Variants in GALNT17 observed in about 807,000 individuals in gnomAD.
GALNT17 encodes UDP-GalNAc:polypeptide N-acetylgalactosaminyltransferase-like 3.
In GALNT17, 29 loss-of-function variants were observed where a neutral mutation model predicts 63.7. The ratio of observed to expected loss-of-function variants is 0.46; its 90% confidence interval spans 0.34 to 0.62. GALNT17 has a LOEUF of 0.62. GALNT17 is among the 20% of genes least tolerant of loss of function. GALNT17 has a pLI of 0.01. For synonymous variants in GALNT17, 305 were observed against 318.3 expected, an observed-to-expected ratio of 0.96 and a Z score of 0.45; for missense variants, 603 against 799.6, an observed-to-expected ratio of 0.75 and a Z score of 2.97.
chr7:71,352,462 G>T (rs1450840813), intron 2 of GALNT17, among the ~76,000 whole-genome samples: 1 of 152,200 alleles, frequency 6.6e-6, no homozygotes, highest in South Asian at 2.1e-4. Context: ...TGGGTGCACG[G>T]TAGTGCCATT....
intron 5 of GALNT17, among the ~76,000 whole-genome samples, chr7:71,461,055 A>C (rs1221797669): frequency 6.6e-6 from 1 of 152,192 alleles, no homozygotes; most frequent in Non-Finnish European, 1.5e-5. Context: ...CTTATTCAAG[A>C]TGGAGCCGCT....
At chr7:71,292,283 A>G (rs1396047754) in intron 1 of GALNT17, among the ~76,000 whole-genome samples, 5 of 152,192 alleles carry the variant, frequency 3.3e-5, no homozygotes, top group African/African-American at 1.2e-4. Flanking sequence ...ACAAGAATAC[A>G]TAGGTTTTGC....
chr7:71,204,737 T>G (rs1299954770), intron 1 of GALNT17, among the ~76,000 whole-genome samples: 1 of 151,378 alleles, frequency 6.6e-6, no homozygotes, highest in African/African-American at 2.4e-5. Flanking sequence ...GCCTACTTTG[T>G]TTTTTTTGTT....
chr7:71,273,983 A>G (rs1790639629), intron 1 of GALNT17, among the ~76,000 whole-genome samples: 1 of 152,218 alleles, frequency 6.6e-6, no homozygotes, highest in South Asian at 2.1e-4. Context: ...AATGCCTGGC[A>G]TCTAAGCATA....
At chr7:71,547,068 T>G (rs1339310117) in intron 5 of GALNT17, among the ~76,000 whole-genome samples, 1 of 152,104 alleles carries the variant, frequency 6.6e-6, no homozygotes, top group Non-Finnish European at 1.5e-5. Context: ...CCTGGCTCAC[T>G]GCAACCTCTG....
In GALNT17 at chr7:71,562,801, G is replaced by A. The variant is rs76422587; in HGVS notation, c.963-8484G>A. 3.5e-3 allele frequency among the ~76,000 whole-genome samples: 538 copies of A among 152,258 alleles called. 4 individuals carry two copies. Among genetic ancestry groups the A allele is most frequent in the African/African-American group, 0.012 (504 of 41,564 alleles). ...GACCCCTGGTATAGAGTAGCCAGGC[G>A]AAAGGATCTATAGGGTTGATGGCTG... On this transcript the variant is annotated intron_variant, in intron 5 of 10. Coordinates refer to ENST00000333538, the MANE Select transcript of GALNT17 (RefSeq NM_022479.3).
chr7:71,643,064 G>C (rs1047768482), intron 6 of GALNT17, among the ~76,000 whole-genome samples: 2 of 152,282 alleles, frequency 1.3e-5, no homozygotes, highest in East Asian at 3.9e-4. Flanking sequence ...TCGTCGATAG[G>C]ATGGATGGCG....
At chr7:71,596,218 T>C (rs2116926213) in intron 6 of GALNT17, among the ~76,000 whole-genome samples, 1 of 152,256 alleles carries the variant, frequency 6.6e-6, no homozygotes, top group African/African-American at 2.4e-5. Flanking sequence ...TTTTGCATTT[T>C]TAGTAGAGAC....
In GALNT17 at chr7:71,143,767, C is replaced by T. The variant is rs116388486; in HGVS notation, c.238+10727C>T. 5.8e-3 allele frequency among the ~76,000 whole-genome samples: 883 copies of T among 151,938 alleles called. 7 individuals are homozygous for T. Among genetic ancestry groups the T allele is most frequent in the African/African-American group, 0.02 (832 of 41,416 alleles). On this transcript the variant is annotated intron_variant, in intron 1 of 10. Transcript: ENST00000333538. ...TGGAATGCAGCAGTAGGGCAGGGCA[C>T]GGTGGCTCACGCCTGTAATCCCAAC...
intron 6 of GALNT17, among the ~76,000 whole-genome samples, chr7:71,576,529 T>TTGTGTGTGTGTGTGTGTG (rs3048366): frequency 8.5e-4 from 122 of 142,906 alleles, no homozygotes; most frequent in Non-Finnish European, 3.2e-4. Context: ...TTTTTTAACT[T>TTGTGTGTGTGTGTGTGTG]TGTGTGTGTG....
At chr7:71,171,888 C>T (rs991534582) in intron 1 of GALNT17, among the ~76,000 whole-genome samples, 1 of 152,172 alleles carries the variant, frequency 6.6e-6, no homozygotes, top group Non-Finnish European at 1.5e-5. Flanking sequence ...GTGAAAGTTT[C>T]TAGAGTGTTT....
chr7:71,538,717 ACT>A (rs1376021348), intron 5 of GALNT17, among the ~76,000 whole-genome samples: 2 of 151,226 alleles, frequency 1.3e-5, no homozygotes, highest in Non-Finnish European at 2.9e-5. Context: ...CTTCTGCTCC[ACT>A]CTCTCTGAGC....
chr7:71,466,579 T>G (rs1444434774), intron 5 of GALNT17, among the ~76,000 whole-genome samples: 1 of 152,180 alleles, frequency 6.6e-6, no homozygotes. Context: ...CCTAGGTCTT[T>G]CCTGGAGAGT....
chr7:71,213,190 T>A (rs983129789), intron 1 of GALNT17, among the ~76,000 whole-genome samples: 4 of 152,198 alleles, frequency 2.6e-5, no homozygotes, highest in African/African-American at 9.7e-5. Context: ...GCTATTCTCA[T>A]GATAGTGAAT....
chr7:71,706,378 A>G (rs1310919633), intron 9 of GALNT17, among the ~76,000 whole-genome samples: 1 of 152,068 alleles, frequency 6.6e-6, no homozygotes, highest in Non-Finnish European at 1.5e-5. Context: ...AGAACCTCTA[A>G]CTCCCAGTGG....
chr7:71,384,051 A>G (rs1000448698), intron 2 of GALNT17, among the ~76,000 whole-genome samples: 10 of 152,130 alleles, frequency 6.6e-5, no homozygotes, highest in African/African-American at 2.4e-4. Flanking sequence ...CTCCCCTTCC[A>G]TCAACAGTGC....
chr7:71,346,867 A>G (rs914643472), intron 2 of GALNT17, among the ~76,000 whole-genome samples: 1 of 152,100 alleles, frequency 6.6e-6, no homozygotes, highest in Non-Finnish European at 1.5e-5. Context: ...AAATTTGAGT[A>G]GCTATTGCCT....
At chr7:71,563,284 G>A (rs565940110) in intron 5 of GALNT17, among the ~76,000 whole-genome samples, 5 of 152,322 alleles carry the variant, frequency 3.3e-5, no homozygotes, top group South Asian at 2.1e-4. Context: ...TCTTCAGCCC[G>A]CAAGTGGTAT....
intron 5 of GALNT17, among the ~76,000 whole-genome samples, chr7:71,496,518 C>T (rs76821135): frequency 0.063 from 9,580 of 152,172 alleles, 622 homozygotes; most frequent in East Asian, 0.32. Flanking sequence ...GCACAGACAT[C>T]GTCCAGTGAC....
Sources: gnomAD v4.1 joint callset for allele counts (sites outside exome capture counted in the v4.1 genomes callset) on GRCh38, gnomAD v4.1.1 for gene constraint, MANE v1.5 for transcripts, NCBI Gene and HGNC (gene_info 2026-07-23, HGNC 2026-07-21) for gene names.